The following ABAT variants were observed in gnomAD, a reference collection of about 807,000 sequenced individuals.
The protein encoded by ABAT is 4-aminobutyrate aminotransferase, mitochondrial.
A neutral mutation model predicts 64.6 loss-of-function variants in ABAT; 45 were observed. That is an observed-to-expected ratio of 0.70 (90% confidence interval 0.55 to 0.89). The LOEUF (loss-of-function observed/expected upper bound fraction) is 0.89. ABAT is among the 40% of genes least tolerant of loss of function. The pLI is 0.00. For synonymous variants in ABAT, 297 were observed against 250.5 expected (o/e 1.19, Z -1.75); for missense variants, 633 against 658.4 (o/e 0.96, Z 0.42).
intron 3 of ABAT, among the ~76,000 whole-genome samples, chr16:8,747,601 A>G (rs1018489707): frequency 7.2e-5 from 11 of 152,142 alleles, no homozygotes; most frequent in Non-Finnish European, 1.6e-4. Context: ...ATATTGAATT[A>G]CTTTTGGAAT....
intron 1 of ABAT, among the ~76,000 whole-genome samples, chr16:8,704,412 T>G (rs2057894255): frequency 6.6e-6 from 1 of 152,240 alleles, no homozygotes; most frequent in Non-Finnish European, 1.5e-5. Context: ...TGGTGAAGTA[T>G]CTCTGTGCCT....
chr16:8,749,472 C>T (rs1267229418), intron 4 of ABAT, among the ~76,000 whole-genome samples: 1 of 135,232 alleles, frequency 7.4e-6, no homozygotes, highest in Non-Finnish European at 1.5e-5. Flanking sequence ...AATCTCGGCT[C>T]ACTGCAACAT....
Position 8,776,503 on chromosome 16 carries a change from C to T in ABAT, c.1269+13C>T. 1 of 1,590,836 alleles carries T rather than the reference C, an allele frequency of 6.3e-7. No homozygotes were observed. The highest frequency in any genetic ancestry group is 1.1e-5 in the South Asian group (1 of 88,012). ...GCTGGACCTCCAGGTAACACCCCCT[C>T]CCCTGCCCCGCCCCCACCACCCATG... On this transcript the variant is annotated intron_variant, in intron 14 of 15. Transcript: ENST00000268251. The surrounding 1 kb of genome is among the most constrained non-coding windows in gnomAD (Gnocchi z 4.4).
At chr16:8,699,237 G>A (rs1316721643) in intron 1 of ABAT, among the ~76,000 whole-genome samples, 1 of 152,216 alleles carries the variant, frequency 6.6e-6, no homozygotes, top group East Asian at 1.9e-4. Flanking sequence ...GATTGGGGAG[G>A]GGAGATGCTG....
At chr16:8,739,193 G>T (rs191142586) in intron 2 of ABAT, among the ~76,000 whole-genome samples, 1 of 152,146 alleles carries the variant, frequency 6.6e-6, no homozygotes, top group East Asian at 1.9e-4. Context: ...GCCTGGTGGC[G>T]CATGTGGCAC....
intron 1 of ABAT, among the ~76,000 whole-genome samples, chr16:8,678,411 C>T (rs939133658): frequency 1.3e-5 from 2 of 152,184 alleles, no homozygotes; most frequent in Non-Finnish European, 1.5e-5. Context: ...CTTATCATCT[C>T]CAAAGCACTG....
At chr16:8,758,724 G>A (rs1273428) in intron 6 of ABAT, among the ~76,000 whole-genome samples, 140,693 of 152,240 alleles carry the variant, frequency 0.92, 65,835 homozygotes, top group East Asian at 1. Context: ...TGGTGGATAC[G>A]GTAACCCCAC....
intron 1 of ABAT, among the ~76,000 whole-genome samples, chr16:8,728,914 C>T (rs893980283): frequency 1.3e-5 from 2 of 152,202 alleles, no homozygotes; most frequent in South Asian, 2.1e-4. Context: ...CATGGCCACA[C>T]TTTCCAAGCC....
At chr16:8,701,764 C>A (rs1412250665) in intron 1 of ABAT, among the ~76,000 whole-genome samples, 1 of 152,110 alleles carries the variant, frequency 6.6e-6, no homozygotes, top group African/African-American at 2.4e-5. Flanking sequence ...AGGGGTGCAA[C>A]TGAAAATCAG....
At chr16:8,690,825 C>G (rs1469324802) in intron 1 of ABAT, among the ~76,000 whole-genome samples, 1 of 152,178 alleles carries the variant, frequency 6.6e-6, no homozygotes, top group Admixed American at 6.5e-5. Context: ...GGGTCTGCCC[C>G]TTGTTCCAGG....
At chr16:8,778,363 C>T (rs1951985363) in intron 14 of ABAT, among the ~76,000 whole-genome samples, 2 of 152,182 alleles carry the variant, frequency 1.3e-5, no homozygotes, top group Admixed American at 1.3e-4. Flanking sequence ...CTTCTCGTGG[C>T]TGCCGGGAAT....
chr16:8,735,577 C>G, intron 1 of ABAT, 122 bp from the exon 2 acceptor site: 1 of 866,640 alleles, frequency 1.2e-6, no homozygotes, highest in Non-Finnish European at 1.9e-6. Context: ...AGTATAAAAC[C>G]CAAGCATTTG....
At chr16:8,775,610 C>T (rs1321546221) in intron 13 of ABAT, among the ~76,000 whole-genome samples, 1 of 152,074 alleles carries the variant, frequency 6.6e-6, no homozygotes, top group Non-Finnish European at 1.5e-5. Context: ...CGTCCTTTCA[C>T]CATTCCTACA....
chr16:8,759,054 A>G (rs1044431352), intron 6 of ABAT, among the ~76,000 whole-genome samples: 6 of 152,132 alleles, frequency 3.9e-5, no homozygotes, highest in Non-Finnish European at 7.4e-5. Flanking sequence ...GTGAGCTGAG[A>G]TGGTGCCACT....
At chr16:8,696,014 G>A (rs2057693500) in intron 1 of ABAT, among the ~76,000 whole-genome samples, 1 of 152,230 alleles carries the variant, frequency 6.6e-6, no homozygotes, top group Admixed American at 6.5e-5. Flanking sequence ...CCAGCCTCCA[G>A]AGTGGATCCC....
At chr16:8,732,922 G>T (rs1262975712) in intron 1 of ABAT, among the ~76,000 whole-genome samples, 2 of 149,674 alleles carry the variant, frequency 1.3e-5, no homozygotes, top group African/African-American at 5.0e-5. Flanking sequence ...CTGGCCGGGC[G>T]GGGGGCTGAC....
intron 3 of ABAT, among the ~76,000 whole-genome samples, chr16:8,746,463 G>A (rs1360487644): frequency 6.6e-6 from 1 of 152,062 alleles, no homozygotes; most frequent in Non-Finnish European, 1.5e-5. Flanking sequence ...TGAGGCAAGG[G>A]AATCACTTGA....
chr16:8,734,994 G>C (rs535530360), intron 1 of ABAT, among the ~76,000 whole-genome samples: 1 of 151,520 alleles, frequency 6.6e-6, no homozygotes, highest in African/African-American at 2.4e-5. Context: ...GATTACTTGA[G>C]GTCAGAAGTT....
chr16:8,730,088 C>G (rs2142304052), intron 1 of ABAT, among the ~76,000 whole-genome samples: 1 of 152,300 alleles, frequency 6.6e-6, no homozygotes, highest in Non-Finnish European at 1.5e-5. Flanking sequence ...TGACCTGTCT[C>G]TGTCTTCTAG....
Sources: gnomAD v4.1 joint callset for allele counts (sites outside exome capture counted in the v4.1 genomes callset) on GRCh38, gnomAD v4.1.1 for gene constraint, Gnocchi (gnomAD v3.1) non-coding constraint, MANE v1.5 for transcripts, NCBI Gene and HGNC (gene_info 2026-07-23, HGNC 2026-07-21) for gene names.